Variants in RPL10A observed in about 807,000 individuals in gnomAD.
RPL10A encodes ribosomal protein L10a, also known as large ribosomal subunit protein uL1.
In RPL10A, 11 loss-of-function variants were observed where a neutral mutation model predicts 24.6. The ratio of observed to expected loss-of-function variants is 0.45; its 90% confidence interval spans 0.28 to 0.74. The LOEUF (loss-of-function observed/expected upper bound fraction) is 0.74. Among genes scored for constraint, RPL10A ranks in the 30% least tolerant of loss-of-function variants. RPL10A has a pLI of 0.13. For missense variants in RPL10A, 136 were observed against 273.1 expected (o/e 0.50, Z 3.54); for synonymous variants, 98 against 108.5 (o/e 0.90, Z 0.60).
In RPL10A at chr6:35,470,507, A is replaced by C; in HGVS notation, c.484-73A>C. ...GGTCCAAGTACCTGCTCACCAGGCC[A>C]CTGGGGGAGGAAGGACAGGCCATCT... is the stretch of plus-strand genomic sequence containing the variant. On this transcript the variant is annotated intron_variant, in intron 5 of 5. Coordinates refer to ENST00000322203, the MANE Select transcript of RPL10A (RefSeq NM_007104.5). The surrounding 1 kb of genome is among the most constrained non-coding windows in gnomAD (Gnocchi z 4.6). 1 of 1,527,570 alleles carries C rather than the reference A, an allele frequency of 6.5e-7. No homozygotes were observed. Among genetic ancestry groups the C allele is most frequent in the Admixed American group, 1.7e-5 (1 of 57,676 alleles). The allele number at this position is 1,527,570 out of a possible 1,614,324, so 94.6% of individuals were successfully genotyped here. A position where few individuals can be genotyped will look rare whatever the true frequency, so the allele number is the denominator to read the frequency against.
In RPL10A at chr6:35,468,989, T is replaced by C. The variant is rs759301036; in HGVS notation, c.123T>C (p.Tyr41=). The change falls in exon 3 of 6, where the codon TAT becomes TAC. Residue 41 remains tyrosine (Y), a synonymous_variant. Coordinates refer to ENST00000322203, the MANE Select transcript of RPL10A (RefSeq NM_007104.5). The part of the protein sequence containing the change: ...TVELQISLKN[Y]DPQKDKRFSG... ...AGTTGCAGATCAGCTTGAAGAACTATGATCCCCAGAAGGACAAGCGCTTCT... is the reference window on the plus strand; with the variant it reads ...AGTTGCAGATCAGCTTGAAGAACTACGATCCCCAGAAGGACAAGCGCTTCT... The C allele has an allele frequency of 2.5e-6, 4 of 1,613,548 alleles. No individual in the cohort carries two copies. The South Asian group carries it at 3.3e-5, about 13-fold the overall frequency.
rs891807892 is a variant in RPL10A, at chr6:35,470,258, G to A, written c.390G>A (p.Lys130=). The A allele has an allele frequency of 1.9e-6, 3 of 1,610,976 alleles. No individual in the cohort carries two copies. The highest frequency in any genetic ancestry group is 2.5e-6 in the Non-Finnish European group (3 of 1,179,832). ...IPRILGPGLN[K]AGKFPSLLTH... is the part of the protein sequence containing the mutation. ...GAATCCTCGGCCCAGGTTTAAATAA[G>A]GCAGGAAAGTTCCCTTCCCTGCTCA... Residue 130 remains lysine (K), a synonymous_variant, in exon 5 of 6, where the codon AAG becomes AAA. Coordinates refer to ENST00000322203, the MANE Select transcript of RPL10A (RefSeq NM_007104.5). This position sits in a 1 kb window ranked among gnomAD's most constrained non-coding sequence, Gnocchi z 4.6.
intron 3 of RPL10A, 74 bp from the exon 4 acceptor site, chr6:35,469,307 G>GGT (rs1170466465): frequency 1.3e-6 from 2 of 1,511,906 alleles, no homozygotes; most frequent in Admixed American, 2.3e-5. Flanking sequence ...TGGCTGCTGC[G>GGT]GTCCCAGACC....
rs1295866572 is a variant in RPL10A at position 35,470,559 on chromosome 6, T to A, written c.484-21T>A. 1 of 1,609,164 alleles carries A rather than the reference T, an allele frequency of 6.2e-7. No homozygotes were observed. The highest frequency in any genetic ancestry group is 2.2e-5 in the East Asian group (1 of 44,818). ...CTATTCGTCCACCAACCTGACTTGA[T>A]CCTCTCTTCCCTCCTCCCAGGTGTT... On this transcript the variant is annotated intron_variant, in intron 5 of 5. Transcript: ENST00000322203. This position sits in a 1 kb window ranked among gnomAD's most constrained non-coding sequence, Gnocchi z 4.6.
chr6:35,469,625 T>G, intron 4 of RPL10A, 96 bp downstream of exon 4: 2 of 1,361,296 alleles, frequency 1.5e-6, no homozygotes, highest in South Asian at 1.4e-5. Context: ...ATGAGGGGCC[T>G]AGAATAGCAA....
At chr6:35,469,117 C>A in intron 3 of RPL10A, 90 bp downstream of exon 3, 1 of 1,572,666 alleles carries the variant, frequency 6.4e-7, no homozygotes, top group Non-Finnish European at 8.6e-7. Flanking sequence ...GCGGGCACGT[C>A]GGTACTGATG....
Position 35,469,521 on chromosome 6 carries a change from A to G in RPL10A, c.302A>G (p.Lys101Arg). Residue 101 changes from lysine to arginine, a missense_variant, in exon 4 of 6, where the codon AAG (lysine) becomes AGG (arginine). This residue lies in a region of RPL10A where 88 missense variants were observed against 149.2 expected (regional missense o/e 0.59). Coordinates refer to ENST00000322203, the MANE Select transcript of RPL10A (RefSeq NM_007104.5). ...KKLNKNKKLV[K>R]KLAKKYDAFL... ...CTCAACAAGAATAAAAAACTGGTCA[A>G]GAAGCTGGGTGAGTCCGGCCGCTGT... 6.2e-7 allele frequency: 1 copy of G among 1,613,602 alleles called. No homozygotes were observed. The highest frequency in any genetic ancestry group is 8.5e-7 in the Non-Finnish European group (1 of 1,179,768).
chr6:35,468,426 T>C lies in RPL10A; in HGVS notation c.-9T>C, dbSNP rs758829407. The C allele has an allele frequency of 1.9e-6, 3 of 1,613,498 alleles. No homozygotes were observed. On this transcript the variant is annotated 5_prime_UTR_variant, in exon 1 of 6. Coordinates refer to ENST00000322203, the MANE Select transcript of RPL10A (RefSeq NM_007104.5). ...AGTCTCTTTTCCGGTTAGCGCGGCG[T>C]GAGAAGCCATGAGGTGAGTTGGTCC... is the stretch of plus-strand genomic sequence containing the variant.
Position 35,470,069 on chromosome 6 carries a change from T to C in RPL10A, c.311-110T>C. ...GGCGGGGTCTTAGAGAGGGTGCTGC[T>C]TGGAGGTCACTTACATGATTGATTC... On this transcript the variant is annotated intron_variant, in intron 4 of 5. Transcript: ENST00000322203. This position sits in a 1 kb window ranked among gnomAD's most constrained non-coding sequence, Gnocchi z 4.6. 9.9e-7 allele frequency: 1 copy of C among 1,008,078 alleles called. No individual in the cohort carries two copies. Among genetic ancestry groups the C allele is most frequent in the Non-Finnish European group, 1.5e-6 (1 of 679,758 alleles). 62.4% of individuals were successfully genotyped at this position (1,008,078 alleles called of 1,614,324 possible).
rs1767931355 is a variant in RPL10A at position 35,468,872 on chromosome 6, A to G, written c.79A>G (p.Lys27Glu). 6.2e-7 allele frequency: 1 copy of G among 1,612,826 alleles called. No homozygotes were observed. Among genetic ancestry groups the G allele is most frequent in the Non-Finnish European group, 8.5e-7 (1 of 1,179,550 alleles). The change falls in exon 2 of 6, where the codon AAG becomes GAG. Residue 27 changes from lysine (K) to glutamate (E), a missense_variant and splice_region_variant. Around this residue, in one of 3 missense-constraint regions of RPL10A, gnomAD observed 88 missense variants for 149.2 expected, o/e 0.59. Coordinates refer to ENST00000322203, the MANE Select transcript of RPL10A (RefSeq NM_007104.5). ...VLHGNQRKRR[K>E]FLETVELQIS... Reference sequence around the variant, plus strand: ...GCACGGGAACCAGCGCAAGCGCCGCAAGTGAGTGCCGACCCTGGGGCACGG... The same window carrying G: ...GCACGGGAACCAGCGCAAGCGCCGCGAGTGAGTGCCGACCCTGGGGCACGG...
At position 35,468,928 on chromosome 6, in the gene RPL10A, C is replaced by T. The variant is rs937812130; in HGVS notation, c.81-19C>T. ...GTGGCGAGGGCCGGCGGGTGCTTAA[C>T]CCCCCTCCTCTCTCGAAGGTTCCTG... is the stretch of plus-strand genomic sequence containing the variant. On this transcript the variant is annotated intron_variant, in intron 2 of 5. Transcript: ENST00000322203. The T allele has an allele frequency of 3.7e-6, 6 of 1,613,698 alleles. No homozygotes were observed. The highest frequency in any genetic ancestry group is 2.2e-5 in the East Asian group (1 of 44,848).
intron 1 of RPL10A, 139 bp downstream of exon 1, chr6:35,468,578 G>A: frequency 6.3e-7 from 1 of 1,581,426 alleles, no homozygotes; most frequent in Non-Finnish European, 8.6e-7. Context: ...GTCGGCCTGC[G>A]GGTCGCCCTT....
rs754127200 is a variant in RPL10A at position 35,470,162 on chromosome 6, C to T, written c.311-17C>T. The T allele has an allele frequency of 5.0e-6, 8 of 1,608,104 alleles. No homozygotes were observed. Among genetic ancestry groups the T allele is most frequent in the African/African-American group, 1.3e-5 (1 of 74,806 alleles). On this transcript the variant is annotated splice_polypyrimidine_tract_variant and intron_variant, in intron 4 of 5. Transcript: ENST00000322203. This position sits in a 1 kb window ranked among gnomAD's most constrained non-coding sequence, Gnocchi z 4.6. Reference sequence around the variant, plus strand: ...ACCAGGTTCTAAGCAATGCCAATGGCTTCCTCTCTCTATCAGCCAAGAAGT... The same window carrying T: ...ACCAGGTTCTAAGCAATGCCAATGGTTTCCTCTCTCTATCAGCCAAGAAGT...
In RPL10A at chr6:35,470,761, A is replaced by T. The variant is rs1340826824; in HGVS notation, c.*11A>T. 6.3e-7 allele frequency: 1 copy of T among 1,598,892 alleles called. No individual in the cohort carries two copies. Among genetic ancestry groups the T allele is most frequent in the Admixed American group, 1.7e-5 (1 of 59,736 alleles). On this transcript the variant is annotated 3_prime_UTR_variant, in exon 6 of 6. Transcript: ENST00000322203. This position sits in a 1 kb window ranked among gnomAD's most constrained non-coding sequence, Gnocchi z 4.6. ...CAGCGCCTATATTAAGGCACATTTG[A>T]ATAAATTCTATTACCAGTTCCCTCT...
At chr6:35,468,614 C>T in intron 1 of RPL10A, 175 bp downstream of exon 1, 1 of 1,532,826 alleles carries the variant, frequency 6.5e-7, no homozygotes, top group Admixed American at 2.0e-5. Flanking sequence ...CACTGAGAGC[C>T]TCCCTCTTCC....
intron 1 of RPL10A, 157 bp from the exon 2 acceptor site, chr6:35,468,642 G>C: frequency 1.3e-6 from 2 of 1,517,036 alleles, no homozygotes; most frequent in South Asian, 2.5e-5. Context: ...CTTGGGTCTG[G>C]GTCTGAGCTC....
chr6:35,468,548 C>G, intron 1 of RPL10A, 109 bp downstream of exon 1: 1 of 1,606,060 alleles, frequency 6.2e-7, no homozygotes, highest in South Asian at 1.1e-5. Context: ...ACCTGCGCCG[C>G]GGGGCATTTC....
chr6:35,468,641 G>C (rs1767919423), intron 1 of RPL10A, 158 bp from the exon 2 acceptor site: 2 of 1,516,728 alleles, frequency 1.3e-6, no homozygotes, highest in African/African-American at 2.8e-5. Flanking sequence ...GCTTGGGTCT[G>C]GGTCTGAGCT....
Position 35,468,785 on chromosome 6 carries a change from C to A in RPL10A, c.6-14C>A. The stretch of plus-strand genomic sequence containing the variant: ...CTCCGCGGCCCTGAGCGCCCTGTCG[C>A]TTCTCTCCCGCAGCAGCAAAGTCTC... On this transcript the variant is annotated splice_polypyrimidine_tract_variant and intron_variant, in intron 1 of 5. Coordinates refer to ENST00000322203, the MANE Select transcript of RPL10A (RefSeq NM_007104.5). The A allele has an allele frequency of 6.3e-7, 1 of 1,581,760 alleles. No homozygotes were observed. The highest frequency in any genetic ancestry group is 1.3e-5 in the African/African-American group (1 of 74,080).
Sources: allele counts gnomAD v4.1 joint callset, GRCh38; gene constraint gnomAD v4.1.1; regional missense constraint gnomAD v4.1.1; non-coding constraint Gnocchi (gnomAD v3.1); transcripts MANE v1.5; gene names NCBI Gene and HGNC (gene_info 2026-07-23, HGNC 2026-07-21).